The following CFAP299 variants were observed in gnomAD, a reference collection of about 807,000 sequenced individuals.
CFAP299 encodes cilia and flagella associated protein 299.
A neutral mutation model predicts 27.0 loss-of-function variants in CFAP299; 21 were observed. The observed-to-expected ratio is 0.78, with a 90% CI of 0.55 to 1.12. CFAP299 has a LOEUF of 1.12. CFAP299 is among the 50% of genes most tolerant of loss of function. CFAP299 has a pLI of 0.00. For synonymous variants in CFAP299, 104 were observed against 98.1 expected (o/e 1.06, Z -0.36); for missense variants, 310 against 276.6 (o/e 1.12, Z -0.86).
chr4:80,779,937 A>T (rs1010355601), intron 3 of CFAP299, among the ~76,000 whole-genome samples: 1 of 152,050 alleles, frequency 6.6e-6, no homozygotes, highest in African/African-American at 2.4e-5. Flanking sequence ...CAAAGCCTCC[A>T]TACTGTGGAG....
chr4:80,430,246 C>T (rs150694256), intron 2 of CFAP299, among the ~76,000 whole-genome samples: 1 of 152,278 alleles, frequency 6.6e-6, no homozygotes, highest in East Asian at 1.9e-4. Flanking sequence ...ATGAAGTTTT[C>T]ATCACAGTGA....
intron 2 of CFAP299, among the ~76,000 whole-genome samples, chr4:80,486,466 A>G (rs950989594): frequency 1.5e-4 from 23 of 152,178 alleles, no homozygotes; most frequent in African/African-American, 5.6e-4. Flanking sequence ...CCTAATATTG[A>G]GTTTTAGGAC....
chr4:80,774,757 T>G (rs2110086319), intron 3 of CFAP299, among the ~76,000 whole-genome samples: 1 of 152,076 alleles, frequency 6.6e-6, no homozygotes, highest in Non-Finnish European at 1.5e-5. Flanking sequence ...CAGAAAACTC[T>G]CATGCAGATA....
chr4:80,802,067 A>C lies in CFAP299; in HGVS notation c.334-67926A>C, dbSNP rs184098299. ...CACTCTACTTTTCAAAACGTGATTTAAACCTTCAAAATGAATTAGTTTAAA... is the reference window on the plus strand; with the variant it reads ...CACTCTACTTTTCAAAACGTGATTTCAACCTTCAAAATGAATTAGTTTAAA... On this transcript the variant is annotated intron_variant, in intron 3 of 5. Transcript: ENST00000358105. 3.8e-3 allele frequency among the ~76,000 whole-genome samples: 582 copies of C among 152,226 alleles called. 1 individual carries two copies. Among genetic ancestry groups the C allele is most frequent in the Middle Eastern group, 0.01 (3 of 294 alleles).
At chr4:80,691,794 C>G (rs1400247424) in intron 3 of CFAP299, among the ~76,000 whole-genome samples, 1 of 152,116 alleles carries the variant, frequency 6.6e-6, no homozygotes, top group African/African-American at 2.4e-5. Context: ...TCTAGAAAAC[C>G]CCATTGTCTC....
intron 3 of CFAP299, among the ~76,000 whole-genome samples, chr4:80,760,782 A>C (rs1256909408): frequency 6.6e-6 from 1 of 152,168 alleles, no homozygotes; most frequent in East Asian, 1.9e-4. Context: ...TAAAATTAAG[A>C]GAGTAGATGA....
intron 3 of CFAP299, among the ~76,000 whole-genome samples, chr4:80,632,286 G>A (rs1039508772): frequency 2.1e-5 from 2 of 95,430 alleles, no homozygotes; most frequent in South Asian, 3.0e-4. Context: ...GAACAAATAT[G>A]CTTTAAGTTA....
At chr4:80,875,579 G>A (rs1375879053) in intron 4 of CFAP299, among the ~76,000 whole-genome samples, 5 of 151,090 alleles carry the variant, frequency 3.3e-5, no homozygotes, top group South Asian at 4.2e-4. Flanking sequence ...CAGGAGAATC[G>A]CTTGAACCTG....
At chr4:80,747,167 C>T (rs1174014699) in intron 3 of CFAP299, among the ~76,000 whole-genome samples, 1 of 151,956 alleles carries the variant, frequency 6.6e-6, no homozygotes, top group African/African-American at 2.4e-5. Context: ...CTGTTGTTGA[C>T]TAAAATGTCA....
chr4:80,600,918 A>G (rs1324482796), intron 3 of CFAP299, among the ~76,000 whole-genome samples: 4 of 152,184 alleles, frequency 2.6e-5, no homozygotes, highest in African/African-American at 9.6e-5. Flanking sequence ...AGTTGTAGAA[A>G]GAGGGTAACT....
At chr4:80,384,671 G>A (rs576879941) in intron 2 of CFAP299, among the ~76,000 whole-genome samples, 2 of 151,902 alleles carry the variant, frequency 1.3e-5, no homozygotes, top group Middle Eastern at 3.4e-3. Context: ...AGGAAGGAAG[G>A]AAATTGTTCC....
intron 3 of CFAP299, among the ~76,000 whole-genome samples, chr4:80,760,197 GA>G: frequency 6.6e-6 from 1 of 151,980 alleles, no homozygotes; most frequent in Non-Finnish European, 1.5e-5. Context: ...ATTAATATAT[GA>G]AATAATATGA....
At chr4:80,322,488 G>GC in the CFAP299 span, among the ~76,000 whole-genome samples, 31 of 151,928 alleles carry the variant, frequency 2.0e-4, no homozygotes, top group Non-Finnish European at 1.5e-5. Context: ...ACAATCCCTT[G>GC]CCCTTAGTGA....
At chr4:80,949,068 T>G (rs73831223) in intron 5 of CFAP299, among the ~76,000 whole-genome samples, 6,157 of 152,244 alleles carry the variant, frequency 0.04, 437 homozygotes, top group African/African-American at 0.14. Flanking sequence ...CAGAAATATA[T>G]AATTTAAACT....
At chr4:80,716,192 T>A (rs1722468709) in intron 3 of CFAP299, among the ~76,000 whole-genome samples, 1 of 151,968 alleles carries the variant, frequency 6.6e-6, no homozygotes, top group African/African-American at 2.4e-5. Flanking sequence ...CTTTTTAAAA[T>A]TTTGAAGTGT....
At chr4:80,364,759 C>G (rs1723735106) in intron 2 of CFAP299, among the ~76,000 whole-genome samples, 1 of 152,150 alleles carries the variant, frequency 6.6e-6, no homozygotes, top group African/African-American at 2.4e-5. Flanking sequence ...TTCAACCAAG[C>G]CCCACTTTGA....
chr4:80,660,841 G>T (rs892017742), intron 3 of CFAP299, among the ~76,000 whole-genome samples: 3 of 152,114 alleles, frequency 2.0e-5, no homozygotes, highest in African/African-American at 4.8e-5. Flanking sequence ...TTTCCTAAAA[G>T]TTCCTTCAGC....
At chr4:80,824,693 A>G (rs1413144964) in intron 3 of CFAP299, among the ~76,000 whole-genome samples, 2 of 152,164 alleles carry the variant, frequency 1.3e-5, no homozygotes, top group Non-Finnish European at 1.5e-5. Flanking sequence ...GAGGACCTTA[A>G]GTTTACATGT....
intron 2 of CFAP299, among the ~76,000 whole-genome samples, chr4:80,421,032 G>C (rs1240025148): frequency 6.6e-6 from 1 of 151,972 alleles, no homozygotes; most frequent in Non-Finnish European, 1.5e-5. Context: ...CCAGGGTCTG[G>C]TTTGTTCTTT....
Sources: gnomAD v4.1 joint callset for allele counts (sites outside exome capture counted in the v4.1 genomes callset) on GRCh38, gnomAD v4.1.1 for gene constraint, MANE v1.5 for transcripts, NCBI Gene and HGNC (gene_info 2026-07-23, HGNC 2026-07-21) for gene names.